Variants in KLHL41 observed in about 807,000 individuals in gnomAD.
KLHL41 encodes kelch like family member 41.
In KLHL41, 31 loss-of-function variants were observed where a neutral mutation model predicts 49.2. The ratio of observed to expected loss-of-function variants is 0.63; its 90% CI spans 0.47 to 0.85. KLHL41 has a LOEUF of 0.85. KLHL41 is among the 40% of genes least tolerant of loss of function. KLHL41 has a pLI of 0.00. For missense variants in KLHL41, 663 were observed against 726.7 expected (o/e 0.91, Z 1.01); for synonymous variants, 218 against 258.5 (o/e 0.84, Z 1.50).
At chr2:169,525,178 T>C (rs896200457) in intron 5 of KLHL41, among the ~76,000 whole-genome samples, 4 of 152,218 alleles carry the variant, frequency 2.6e-5, no homozygotes, top group African/African-American at 7.2e-5. Flanking sequence ...ATAGGAACAA[T>C]TGAAGGCATA....
At chr2:169,524,741 G>A (rs1193847904) in intron 5 of KLHL41, among the ~76,000 whole-genome samples, 1 of 151,902 alleles carries the variant, frequency 6.6e-6, no homozygotes, top group African/African-American at 2.4e-5. Context: ...TTTGTGGAGA[G>A]ATATTAATAT....
chr2:169,515,637 T>C (rs538135859), intron 3 of KLHL41, among the ~76,000 whole-genome samples: 14 of 152,336 alleles, frequency 9.2e-5, no homozygotes, highest in African/African-American at 3.4e-4. Flanking sequence ...TAATGTAGTA[T>C]TTAAAATATA....
rs1684006457 is a variant in KLHL41, at chr2:169,510,075, T to A, written c.297T>A (p.Asn99Lys). 6.2e-7 allele frequency: 1 copy of A among 1,614,122 alleles called. No individual in the cohort carries two copies. The highest frequency in any genetic ancestry group is 1.3e-5 in the African/African-American group (1 of 74,948). Residue 99 changes from asparagine to lysine, a missense_variant, in exon 1 of 6, where the codon AAT becomes AAA. Coordinates refer to ENST00000284669, the MANE Select transcript of KLHL41 (RefSeq NM_006063.3). This position sits in a 1 kb window ranked among gnomAD's most constrained non-coding sequence, Gnocchi z 4.2. ...TGTACTCTGCCAGTATTGATCTCAA[T>A]GACGGAAATGTGCAAGATATTTTTG... ...KYLYSASIDL[N>K]DGNVQDIFAL... is the part of the protein sequence containing the mutation.
intron 5 of KLHL41, among the ~76,000 whole-genome samples, chr2:169,522,517 G>A (rs1298320933): frequency 6.6e-6 from 1 of 151,940 alleles, no homozygotes; most frequent in African/African-American, 2.4e-5. Context: ...GGAAGGTTAG[G>A]GTTTTTTGGA....
chr2:169,524,418 C>CT (rs113248017), intron 5 of KLHL41, among the ~76,000 whole-genome samples: 5,696 of 116,004 alleles, frequency 0.049, 216 homozygotes, highest in East Asian at 0.074. Context: ...TGGGGTAAAT[C>CT]TTTTTTTTTT....
intron 3 of KLHL41, 28 bp from the exon 4 acceptor site, chr2:169,518,162 A>C: frequency 6.3e-7 from 1 of 1,576,950 alleles, no homozygotes. Context: ...AAAGGTTCTA[A>C]AAGGAACATT....
In KLHL41 at chr2:169,526,202, TG is replaced by T. The variant is rs1489897198; in HGVS notation, c.*510del. On this transcript the variant is annotated 3_prime_UTR_variant, in exon 6 of 6. Coordinates refer to ENST00000284669, the MANE Select transcript of KLHL41 (RefSeq NM_006063.3). ...CTACTTCAGAAGTGTAATAAATGGATGGGGAAATCGTTTGATGGGGAAAAGT... is the reference window on the plus strand; with the variant it reads ...CTACTTCAGAAGTGTAATAAATGGATGGGAAATCGTTTGATGGGGAAAAGT... The T allele has an allele frequency of 1.3e-5, 2 of 152,210 alleles. No homozygotes were observed. The highest frequency in any genetic ancestry group is 3.8e-4 in the East Asian group (2 of 5,200). The allele number at this position is 152,210 out of a possible 1,614,324, so 9.4% of individuals were successfully genotyped here.
At chr2:169,521,793 TG>T (rs1684207765) in intron 5 of KLHL41, among the ~76,000 whole-genome samples, 1 of 152,206 alleles carries the variant, frequency 6.6e-6, no homozygotes, top group East Asian at 1.9e-4. Context: ...AGCTAATAAA[TG>T]CTTTTTTAAA....
At chr2:169,520,152 CTGTG>C (rs59155387) in intron 4 of KLHL41, among the ~76,000 whole-genome samples, 5,097 of 104,846 alleles carry the variant, frequency 0.049, 236 homozygotes, top group African/African-American at 0.098. Context: ...AGGCCTAGCT[CTGTG>C]TGTGTGTGTG....
chr2:169,515,368 G>A (rs1684101290), intron 3 of KLHL41, among the ~76,000 whole-genome samples: 1 of 152,032 alleles, frequency 6.6e-6, no homozygotes, highest in Non-Finnish European at 1.5e-5. Flanking sequence ...ACACTAAAAT[G>A]GGACATGGTT....
chr2:169,516,384 T>A (rs896032766), intron 3 of KLHL41, among the ~76,000 whole-genome samples: 3 of 152,224 alleles, frequency 2.0e-5, no homozygotes, highest in Non-Finnish European at 4.4e-5. Flanking sequence ...TAACATATTC[T>A]AAAATTTTTA....
At chr2:169,515,560 C>T (rs555901095) in intron 3 of KLHL41, among the ~76,000 whole-genome samples, 4 of 152,196 alleles carry the variant, frequency 2.6e-5, no homozygotes, top group Admixed American at 6.5e-5. Flanking sequence ...TTGTATTTTA[C>T]TACATTAAAA....
intron 5 of KLHL41, 119 bp from the exon 6 acceptor site, chr2:169,525,466 C>T (rs965730611): frequency 1.6e-6 from 1 of 639,146 alleles, no homozygotes; most frequent in African/African-American, 1.8e-5. Flanking sequence ...CAGGCAGGTG[C>T]ATCTTCTTCT....
chr2:169,521,127 C>A, intron 5 of KLHL41, 120 bp downstream of exon 5: 1 of 838,696 alleles, frequency 1.2e-6, no homozygotes, highest in Non-Finnish European at 1.9e-6. Context: ...TGGTAGTAGA[C>A]TAAACACTTC....
intron 5 of KLHL41, among the ~76,000 whole-genome samples, chr2:169,521,957 C>T (rs1238643305): frequency 5.3e-5 from 8 of 150,328 alleles, no homozygotes; most frequent in Non-Finnish European, 8.8e-5. Context: ...ACTGAGATCG[C>T]GCCACTGCAC....
chr2:169,520,912 C>A lies in KLHL41; in HGVS notation c.1614C>A (p.Val538=), dbSNP rs1446150104. Reference sequence around the variant, plus strand: ...AAGAAAGAAGCTCCATCAGTTTGGTCAGCCTGGCTGGATCTCTGTATGCAA... The same window carrying A: ...AAGAAAGAAGCTCCATCAGTTTGGTAAGCCTGGCTGGATCTCTGTATGCAA... ...FPQERSSISL[V]SLAGSLYAIG... Residue 538 remains valine, a synonymous_variant, in exon 5 of 6, where the codon GTC becomes GTA. Transcript: ENST00000284669. The A allele has an allele frequency of 6.2e-7, 1 of 1,613,558 alleles. No individual in the cohort carries two copies. The highest frequency in any genetic ancestry group is 1.3e-5 in the African/African-American group (1 of 74,912).
chr2:169,509,878 G>C lies in KLHL41; in HGVS notation c.100G>C (p.Asp34His). ...TCTCCTGGATGAGAAAAAATTCATC[G>C]ATTGCACCCTAAAAGCAGGTGACAA... ...KDLLDEKKFI[D>H]CTLKAGDKSL... Residue 34 changes from aspartate (D) to histidine (H), a missense_variant, in exon 1 of 6, where the codon GAT (aspartate) becomes CAT (histidine). Coordinates refer to ENST00000284669, the MANE Select transcript of KLHL41 (RefSeq NM_006063.3). 1.2e-6 allele frequency: 2 copies of C among 1,614,050 alleles called. No homozygotes were observed. The highest frequency in any genetic ancestry group is 1.7e-6 in the Non-Finnish European group (2 of 1,180,012).
At chr2:169,522,273 G>A (rs1167483456) in intron 5 of KLHL41, among the ~76,000 whole-genome samples, 1 of 152,152 alleles carries the variant, frequency 6.6e-6, no homozygotes, top group Admixed American at 6.6e-5. Context: ...ACCAAACAAT[G>A]ATTTGTGCAT....
chr2:169,517,907 A>T (rs1162022992), intron 3 of KLHL41, among the ~76,000 whole-genome samples: 1 of 152,178 alleles, frequency 6.6e-6, no homozygotes, highest in Non-Finnish European at 1.5e-5. Flanking sequence ...GAGTAAAAAA[A>T]CTTCAATTGA....
Sources: gnomAD v4.1 joint callset for allele counts (sites outside exome capture counted in the v4.1 genomes callset) on GRCh38, gnomAD v4.1.1 for gene constraint, Gnocchi (gnomAD v3.1) non-coding constraint, MANE v1.5 for transcripts, NCBI Gene and HGNC (gene_info 2026-07-23, HGNC 2026-07-21) for gene names.